The following CACNB2 variants were observed in gnomAD, a reference collection of about 807,000 sequenced individuals.
CACNB2 encodes the protein calcium voltage-gated channel auxiliary subunit beta 2, also known as voltage-dependent L-type calcium channel subunit beta-2.
Under a neutral mutation model 73.3 loss-of-function variants are expected in CACNB2, and 42 were observed. The observed-to-expected ratio is 0.57, with a 90% confidence interval of 0.45 to 0.74. The LOEUF is 0.74. Ranked by LOEUF, CACNB2 falls within the 30% of genes least tolerant of loss-of-function variation. The pLI is 0.00. For missense variants in CACNB2, 940 were observed against 853.0 expected (o/e 1.10, Z -1.27); for synonymous variants, 348 against 310.3 (o/e 1.12, Z -1.28).
At chr10:18,355,739 C>A (rs1262102940) in intron 2 of CACNB2, among the ~76,000 whole-genome samples, 1 of 151,362 alleles carries the variant, frequency 6.6e-6, no homozygotes, top group South Asian at 2.1e-4. Context: ...TGGGTTCAAG[C>A]AATTCTCTGC....
At chr10:18,350,009 C>T (rs1036395051) in intron 2 of CACNB2, among the ~76,000 whole-genome samples, 1 of 152,062 alleles carries the variant, frequency 6.6e-6, no homozygotes, top group Non-Finnish European at 1.5e-5. Flanking sequence ...TTTTGGAGGA[C>T]GAGGTGGGTG....
intron 2 of CACNB2, among the ~76,000 whole-genome samples, chr10:18,377,011 AT>A (rs368630279): frequency 2.6e-4 from 39 of 152,304 alleles, no homozygotes; most frequent in African/African-American, 8.9e-4. Flanking sequence ...GCATAATTGA[AT>A]TGTTTTTAAC....
At chr10:18,491,923 C>G (rs2049458808) in intron 3 of CACNB2, among the ~76,000 whole-genome samples, 1 of 145,602 alleles carries the variant, frequency 6.9e-6, no homozygotes, top group Non-Finnish European at 1.5e-5. Flanking sequence ...CATTGTTACA[C>G]TGTTATAAAG....
At chr10:18,409,141 A>G (rs951679485) in intron 3 of CACNB2, among the ~76,000 whole-genome samples, 6 of 152,132 alleles carry the variant, frequency 3.9e-5, no homozygotes, top group Admixed American at 6.6e-5. Context: ...TACTAAAAAT[A>G]CAAAAAAAAT....
rs769211879 is a variant in CACNB2 at position 18,150,879 on chromosome 10, T to TTTTTTTTTTTTTTTTTTTTTTTTTTTTTG, written c.121-3_121-2insTTTTTTTTTTTTTTTTTTTTTTTTTTTGT. 1.1e-5 allele frequency: 14 copies of TTTTTTTTTTTTTTTTTTTTTTTTTTTTTG among 1,259,808 alleles called. No homozygotes were observed. The highest frequency in any genetic ancestry group is 1.7e-5 in the African/African-American group (1 of 59,452). 78.0% of individuals were successfully genotyped at this position (1,259,808 alleles called of 1,614,324 possible). A position where few individuals can be genotyped will look rare whatever the true frequency, so the allele number is the denominator to read the frequency against. On this transcript the variant is annotated splice_polypyrimidine_tract_variant and splice_region_variant and intron_variant, in intron 1 of 13. Coordinates refer to ENST00000324631, the MANE Select transcript of CACNB2 (RefSeq NM_201596.3). The stretch of plus-strand genomic sequence containing the variant: ...TCTTTTTTTTTTTTTTTTTTTTTTT[T>TTTTTTTTTTTTTTTTTTTTTTTTTTTTTG]TAGTCATATGGAAAAGGAGCCAGAA...
chr10:18,200,592 G>C (rs1054790239), intron 2 of CACNB2, among the ~76,000 whole-genome samples: 5 of 152,032 alleles, frequency 3.3e-5, no homozygotes, highest in Non-Finnish European at 7.4e-5. Flanking sequence ...TATGTTTTCT[G>C]TACAATTGCA....
intron 2 of CACNB2, among the ~76,000 whole-genome samples, chr10:18,295,169 A>G (rs1400303046): frequency 6.6e-6 from 1 of 152,234 alleles, no homozygotes; most frequent in African/African-American, 2.4e-5. Context: ...GGATTTAAGG[A>G]TACAGGCTAA....
chr10:18,252,129 C>T (rs574680649), intron 2 of CACNB2, among the ~76,000 whole-genome samples: 12 of 152,198 alleles, frequency 7.9e-5, no homozygotes, highest in African/African-American at 2.9e-4. Context: ...ATTATCTTAT[C>T]TAACCTATTG....
At chr10:18,539,056 T>C (rs1349083205) in intron 13 of CACNB2, 174 bp from the exon 14 acceptor site, 11 of 760,978 alleles carry the variant, frequency 1.4e-5, no homozygotes, top group Non-Finnish European at 2.5e-5. Context: ...TAATATAGTA[T>C]AGTATAAAGC....
At chr10:18,443,002 A>AAC (rs2046538117) in intron 3 of CACNB2, among the ~76,000 whole-genome samples, 1 of 24,246 alleles carries the variant, frequency 4.1e-5, no homozygotes, top group African/African-American at 2.6e-4. Flanking sequence ...ATATATGTGT[A>AAC]TATATATATA....
At chr10:18,254,723 A>G (rs2037212631) in intron 2 of CACNB2, among the ~76,000 whole-genome samples, 1 of 152,170 alleles carries the variant, frequency 6.6e-6, no homozygotes, top group Non-Finnish European at 1.5e-5. Context: ...CCAGATAGAG[A>G]TTTTGTTCAG....
At position 18,231,375 on chromosome 10, in the gene CACNB2, C is replaced by T. The variant is rs192717730; in HGVS notation, c.213+80400C>T. 7.2e-4 allele frequency among the ~76,000 whole-genome samples: 110 copies of T among 152,304 alleles called. 1 individual carries two copies. The highest frequency in any genetic ancestry group is 3.4e-3 in the Middle Eastern group (1 of 294). On this transcript the variant is annotated intron_variant, in intron 2 of 13. Transcript: ENST00000324631. Reference sequence around the variant, plus strand: ...TGTATTTTTAGTAGAGATGGGGTTTCGCCATGTTGGCCAGGCTGGTCTCAA... The same window carrying T: ...TGTATTTTTAGTAGAGATGGGGTTTTGCCATGTTGGCCAGGCTGGTCTCAA...
chr10:18,296,094 A>T (rs1162470621), intron 2 of CACNB2, among the ~76,000 whole-genome samples: 1 of 136,752 alleles, frequency 7.3e-6, no homozygotes. Context: ...TTATGACTTT[A>T]TCAGAGATCT....
Position 18,449,567 on chromosome 10 carries a change from T to C in CACNB2, c.333+47524T>C, listed in dbSNP as rs868301516. ...ACATCGTGCTCTGCAAAAACTCCCTTTTTCTGTCCTCACAAGGACCCTATG... is the reference window on the plus strand; with the variant it reads ...ACATCGTGCTCTGCAAAAACTCCCTCTTTCTGTCCTCACAAGGACCCTATG... On this transcript the variant is annotated intron_variant, in intron 3 of 13. Coordinates refer to ENST00000324631, the MANE Select transcript of CACNB2 (RefSeq NM_201596.3). Among the ~76,000 whole-genome samples, 5 of 152,280 alleles carry C rather than the reference T, an allele frequency of 3.3e-5. No individual in the cohort carries two copies. In the South Asian group the frequency reaches 1.0e-3, roughly 32 times the overall value.
intron 2 of CACNB2, among the ~76,000 whole-genome samples, chr10:18,307,537 C>T (rs2039782877): frequency 6.6e-6 from 1 of 151,996 alleles, no homozygotes. Context: ...TTTTTTAATC[C>T]CCACTTCCCT....
At chr10:18,211,864 CTT>C (rs11352723) in intron 2 of CACNB2, among the ~76,000 whole-genome samples, 9 of 150,540 alleles carry the variant, frequency 6.0e-5, no homozygotes, top group Admixed American at 1.3e-4. Context: ...TACGTGGTTT[CTT>C]TTTTTTTTTC....
chr10:18,541,098 A>G lies in CACNB2; in HGVS notation c.*1374A>G, dbSNP rs566632778. 7 of 152,728 alleles carry G rather than the reference A, an allele frequency of 4.6e-5. No individual in the cohort carries two copies. Among genetic ancestry groups the G allele is most frequent in the South Asian group, 2.1e-4 (1 of 4,828 alleles). 9.5% of individuals were successfully genotyped at this position (152,728 alleles called of 1,614,324 possible). Reference sequence around the variant, plus strand: ...TTATTTCGTGGGAAAATAAATTTTTATAACTTCTCCCACTTCAATTTCTAA... The same window carrying G: ...TTATTTCGTGGGAAAATAAATTTTTGTAACTTCTCCCACTTCAATTTCTAA... On this transcript the variant is annotated 3_prime_UTR_variant, in exon 14 of 14. Transcript: ENST00000324631.
intron 3 of CACNB2, among the ~76,000 whole-genome samples, chr10:18,496,587 C>A (rs1040998205): frequency 3.9e-5 from 6 of 151,908 alleles, no homozygotes; most frequent in Non-Finnish European, 7.4e-5. Context: ...CCAAGGCAGG[C>A]AGATCACCTG....
intron 2 of CACNB2, among the ~76,000 whole-genome samples, chr10:18,342,790 C>T (rs1263899504): frequency 6.6e-6 from 1 of 151,860 alleles, no homozygotes; most frequent in Non-Finnish European, 1.5e-5. Flanking sequence ...CAAGTTTGGA[C>T]AAGAATATAA....
Sources: gnomAD v4.1 joint callset for allele counts (sites outside exome capture counted in the v4.1 genomes callset) on GRCh38, gnomAD v4.1.1 for gene constraint, MANE v1.5 for transcripts, NCBI Gene and HGNC (gene_info 2026-07-23, HGNC 2026-07-21) for gene names.